The following AK7 variants were observed in gnomAD, a reference collection of about 807,000 sequenced individuals.
AK7 encodes adenylate kinase 7.
Under a neutral mutation model 96.6 loss-of-function variants are expected in AK7, and 78 were observed. That is an observed-to-expected ratio of 0.81 (90% CI 0.67 to 0.97). The LOEUF (loss-of-function observed/expected upper bound fraction) is 0.97, where lower values mean the gene tolerates loss of function less well. Ranked by LOEUF, AK7 falls within the 50% of genes least tolerant of loss-of-function variation. The probability of loss-of-function intolerance (pLI) is 0.00; values close to 1 mark genes in which losing one functional copy is unlikely to be tolerated. For missense variants in AK7, 855 were observed against 887.9 expected, an observed-to-expected ratio of 0.96 and a Z score of 0.47; for synonymous variants, 302 against 317.2, an observed-to-expected ratio of 0.95 and a Z score of 0.51.
At chr14:96,432,523 A>C (rs1463971393) in intron 5 of AK7, among the ~76,000 whole-genome samples, 1 of 152,130 alleles carries the variant, frequency 6.6e-6, no homozygotes, top group African/African-American at 2.4e-5. Context: ...AGTGGCTGTT[A>C]GCGGTTTTTC....
In AK7 at chr14:96,408,860, A is replaced by C; in HGVS notation, c.417A>C (p.Glu139Asp). 1 of 1,614,244 alleles carries C rather than the reference A, an allele frequency of 6.2e-7. No individual in the cohort carries two copies. The highest frequency in any genetic ancestry group is 8.5e-7 in the Non-Finnish European group (1 of 1,180,038). The change falls in exon 4 of 18, where the codon GAA (glutamate) becomes GAC (aspartate). Residue 139 changes from glutamate (E) to aspartate (D), a missense_variant. By Grantham distance (45) the Glu-to-Asp change is conservative (BLOSUM62 2). Transcript: ENST00000267584. ...AIWAVSALSE[E>D]VSHFEKRKLF... Reference sequence around the variant, plus strand: ...TTGGCCCCACAGCACTCAGTGAAGAAGTCAGCCACTTTGAAAAGCGAAAGC... The same window carrying C: ...TTGGCCCCACAGCACTCAGTGAAGACGTCAGCCACTTTGAAAAGCGAAAGC...
intron 6 of AK7, among the ~76,000 whole-genome samples, chr14:96,440,239 C>T (rs1455867136): frequency 4.6e-5 from 7 of 152,186 alleles, no homozygotes; most frequent in African/African-American, 1.4e-4. Context: ...CTCCAAAGTG[C>T]TGGGATTACA....
In AK7 at chr14:96,449,899, T is replaced by G; in HGVS notation, c.948+20T>G. The G allele has an allele frequency of 6.5e-7, 1 of 1,530,216 alleles. No homozygotes were observed. The highest frequency in any genetic ancestry group is 8.9e-7 in the Non-Finnish European group (1 of 1,127,110). The allele number at this position is 1,530,216 out of a possible 1,614,324, so 94.8% of individuals were successfully genotyped here. On this transcript the variant is annotated intron_variant, in intron 9 of 17. Coordinates refer to ENST00000267584, the MANE Select transcript of AK7 (RefSeq NM_152327.5). ...TTAACGGTTAGTATATGCGGTGTTTTTTTTTTTTTAACTATCTTTCTCAAT... is the reference window on the plus strand; with the variant it reads ...TTAACGGTTAGTATATGCGGTGTTTGTTTTTTTTTAACTATCTTTCTCAAT...
At chr14:96,480,824 G>C (rs1438140933) in intron 15 of AK7, among the ~76,000 whole-genome samples, 2 of 152,210 alleles carry the variant, frequency 1.3e-5, no homozygotes, top group Non-Finnish European at 2.9e-5. Context: ...TGACAACTGG[G>C]AGATAATATA....
chr14:96,481,675 C>A, intron 15 of AK7, among the ~76,000 whole-genome samples: 1 of 150,076 alleles, frequency 6.7e-6, no homozygotes, highest in East Asian at 2.0e-4. Context: ...ACAGGTCAGG[C>A]AATGAGGAGC....
chr14:96,471,711 C>A, intron 13 of AK7, 105 bp downstream of exon 13: 1 of 1,014,562 alleles, frequency 9.9e-7, no homozygotes, highest in Non-Finnish European at 1.3e-6. Flanking sequence ...ACTAGAGAGA[C>A]TATTTATTTT....
intron 7 of AK7, among the ~76,000 whole-genome samples, chr14:96,445,611 G>T (rs937547759): frequency 6.6e-6 from 1 of 151,948 alleles, no homozygotes; most frequent in African/African-American, 2.4e-5. Context: ...AGTGAACCGT[G>T]ATAACACCAC....
intron 1 of AK7, among the ~76,000 whole-genome samples, chr14:96,393,295 C>T (rs1445515179): frequency 6.6e-6 from 1 of 152,234 alleles, no homozygotes; most frequent in Non-Finnish European, 1.5e-5. Context: ...AGGCTAATGA[C>T]TGCACTTTCG....
intron 16 of AK7, 46 bp from the exon 17 acceptor site, chr14:96,486,852 C>T: frequency 6.4e-7 from 1 of 1,574,346 alleles, no homozygotes; most frequent in Non-Finnish European, 8.7e-7. Context: ...AGTGTTCTCC[C>T]CTTTCTCACT....
At position 96,399,089 on chromosome 14, in the gene AK7, C is replaced by CGT. The variant is rs1555375619; in HGVS notation, c.294+826_294+827insGT. On this transcript the variant is annotated intron_variant, in intron 2 of 17. Transcript: ENST00000267584. This position sits in a 1 kb window ranked among gnomAD's most constrained non-coding sequence, Gnocchi z 4.1. Reference sequence around the variant, plus strand: ...GATTCTGAGCTCTTTTCTGAGCTCCCATATCATCCTTTGCCTGCCTAGATC... The same window carrying CGT: ...GATTCTGAGCTCTTTTCTGAGCTCCCGTATATCATCCTTTGCCTGCCTAGATC... The CGT allele has an allele frequency of 6.6e-6, 1 of 152,016 alleles. No individual in the cohort carries two copies. The highest frequency in any genetic ancestry group is 2.1e-4 in the South Asian group (1 of 4,822). The allele number at this position is 152,016 out of a possible 1,614,324, so 9.4% of individuals were successfully genotyped here.
At chr14:96,488,155 C>T (rs764788059) in intron 17 of AK7, 150 bp from the exon 18 acceptor site, 36 of 581,610 alleles carry the variant, frequency 6.2e-5, no homozygotes, top group Non-Finnish European at 1.0e-4. Context: ...TCAAGTGATC[C>T]ACCCGCCTCA....
intron 12 of AK7, among the ~76,000 whole-genome samples, chr14:96,466,485 G>A (rs1051712703): frequency 6.6e-6 from 1 of 152,042 alleles, no homozygotes; most frequent in Non-Finnish European, 1.5e-5. Flanking sequence ...TGATCCGCCT[G>A]CCTCAGCCTC....
chr14:96,398,786 CTGCTGTCTCCAGAAACAA>C (rs1417631912), intron 2 of AK7: 2 of 162,156 alleles, frequency 1.2e-5, no homozygotes, highest in Non-Finnish European at 2.7e-5. Context: ...TAATATACCA[CTGCTGTCTCCAGAAACAA>C]TGCTGTCTCC....
intron 3 of AK7, among the ~76,000 whole-genome samples, chr14:96,406,341 C>T (rs1366416459): frequency 6.6e-6 from 1 of 152,152 alleles, no homozygotes. Context: ...CCACCCTCTC[C>T]CCCTCAAGGA....
intron 3 of AK7, among the ~76,000 whole-genome samples, chr14:96,407,738 C>T (rs1262199850): frequency 4.6e-5 from 7 of 152,112 alleles, no homozygotes; most frequent in African/African-American, 1.2e-4. Context: ...CCCGCCACCA[C>T]GCCCAGCTAA....
In AK7 at chr14:96,483,200, T is replaced by A. The variant is rs775182588; in HGVS notation, c.1955T>A (p.Ile652Lys). The A allele has an allele frequency of 6.2e-7, 1 of 1,606,592 alleles. No individual in the cohort carries two copies. The highest frequency in any genetic ancestry group is 8.5e-7 in the Non-Finnish European group (1 of 1,176,852). The change falls in exon 16 of 18, where the codon ATA becomes AAA. Residue 652 changes from isoleucine to lysine, a missense_variant. Coordinates refer to ENST00000267584, the MANE Select transcript of AK7 (RefSeq NM_152327.5). ...GAGGCCGTGGAGATGGCAGAGAAGA[T>A]AGCTCGCTGGGAGGAGTGGGTGAGT... ...HQEAVEMAEK[I>K]ARWEEWNKRL...
At chr14:96,435,415 C>A (rs1202838359) in intron 5 of AK7, among the ~76,000 whole-genome samples, 1 of 152,066 alleles carries the variant, frequency 6.6e-6, no homozygotes. Context: ...AGATGCAAGA[C>A]AAAGTCCCCC....
intron 5 of AK7, among the ~76,000 whole-genome samples, chr14:96,428,977 AT>A (rs1892191196): frequency 1.3e-5 from 2 of 151,966 alleles, no homozygotes; most frequent in Non-Finnish European, 2.9e-5. Flanking sequence ...GTTAGATCCC[AT>A]TTGTCTATTT....
rs766041097 is a variant in AK7 at position 96,483,118 on chromosome 14, G to A, written c.1873G>A (p.Ala625Thr). 1.9e-6 allele frequency: 3 copies of A among 1,614,184 alleles called. No homozygotes were observed. The highest frequency in any genetic ancestry group is 2.5e-6 in the Non-Finnish European group (3 of 1,180,030). ...AGAAAAGGCAGAAGAGGAGCGGAAG[G>A]CTGCGGAGGAGCGGCTGGCCAGGGA... ...DEEKAEEERK[A>T]AEERLAREAA... The change falls in exon 16 of 18, where the codon GCT becomes ACT. Residue 625 changes from alanine to threonine, a missense_variant. By Grantham distance (58) the Ala-to-Thr change is moderately conservative. Coordinates refer to ENST00000267584, the MANE Select transcript of AK7 (RefSeq NM_152327.5).
Sources: gnomAD v4.1 joint callset for allele counts (sites outside exome capture counted in the v4.1 genomes callset) on GRCh38, gnomAD v4.1.1 for gene constraint, Gnocchi (gnomAD v3.1) non-coding constraint, MANE v1.5 for transcripts, NCBI Gene and HGNC (gene_info 2026-07-23, HGNC 2026-07-21) for gene names.